Variants in TTC27 observed in about 807,000 individuals in gnomAD.
TTC27 encodes tetratricopeptide repeat protein 27.
TTC27 carries 79 observed loss-of-function variants against 115.9 expected under a neutral mutation model. The ratio of observed to expected loss-of-function variants is 0.68; its 90% CI spans 0.57 to 0.82. TTC27 has a LOEUF of 0.82. Ranked by LOEUF, TTC27 falls within the 40% of genes least tolerant of loss-of-function variation. TTC27 has a pLI of 0.00. For missense variants in TTC27, 1,054 were observed against 993.1 expected (o/e 1.06, Z -0.82); for synonymous variants, 401 against 356.0 (o/e 1.13, Z -1.42).
rs376094410 is a variant in TTC27, at chr2:32,793,522, TTTG to T, written c.1998+6388_1998+6390del. Among the ~76,000 whole-genome samples the T allele has an allele frequency of 5.3e-4, 81 of 152,092 alleles. 1 individual carries two copies. Among genetic ancestry groups the T allele is most frequent in the African/African-American group, 1.9e-3 (78 of 41,514 alleles). On this transcript the variant is annotated intron_variant, in intron 16 of 19. Coordinates refer to ENST00000317907, the MANE Select transcript of TTC27 (RefSeq NM_017735.5). The stretch of plus-strand genomic sequence containing the variant: ...AAAAGCTAATATTATTGTAACAATG[TTTG>T]TTGTTGTTGTTGTTTGAGATGGAGT...
rs115144854 is a variant in TTC27, at chr2:32,790,495, T to C, written c.1998+3346T>C. The stretch of plus-strand genomic sequence containing the variant: ...CATCTATGGAGTACCATGTGATGTT[T>C]TCATATGTGTATACAATGTGGAATG... On this transcript the variant is annotated intron_variant, in intron 16 of 19. Transcript: ENST00000317907. Among the ~76,000 whole-genome samples, 622 of 152,330 alleles carry C rather than the reference T, an allele frequency of 4.1e-3. 3 individuals are homozygous for C. The highest frequency in any genetic ancestry group is 0.013 in the African/African-American group (544 of 41,578).
intron 4 of TTC27, among the ~76,000 whole-genome samples, chr2:32,641,910 C>T (rs976449187): frequency 1.3e-5 from 2 of 152,148 alleles, no homozygotes; most frequent in Admixed American, 1.3e-4. Flanking sequence ...GGCTGGAGTG[C>T]AGTGGCGTGA....
intron 17 of TTC27, among the ~76,000 whole-genome samples, 172 bp downstream of exon 17, chr2:32,811,393 A>G (rs1572635029): frequency 6.6e-6 from 1 of 152,254 alleles, no homozygotes; most frequent in South Asian, 2.1e-4. Context: ...TGGGCTGGTT[A>G]AAACTTGTAA....
intron 12 of TTC27, among the ~76,000 whole-genome samples, chr2:32,756,674 C>T (rs113071632): frequency 2.0e-5 from 3 of 152,282 alleles, no homozygotes; most frequent in Non-Finnish European, 4.4e-5. Flanking sequence ...TACAGACTTT[C>T]GGATTGCCAA....
At position 32,666,744 on chromosome 2, in the gene TTC27, C is replaced by T. The variant is rs1407637937; in HGVS notation, c.915C>T (p.Pro305=). Residue 305 remains proline (P), a synonymous_variant, in exon 7 of 20, where the codon CCC becomes CCT. Transcript: ENST00000317907. ...CAAATTGTGAATTCACTCCAGCACC[C>T]ACTCCTCAGGAACATTTAACCAAGG... is the stretch of plus-strand genomic sequence containing the variant. ...VLSNCEFTPA[P]TPQEHLTKNL... is the part of the protein sequence containing the mutation. The T allele has an allele frequency of 1.9e-6, 3 of 1,612,962 alleles. No individual in the cohort carries two copies. Among genetic ancestry groups the T allele is most frequent in the South Asian group, 1.1e-5 (1 of 90,876 alleles).
chr2:32,722,746 T>C (rs1241742434), intron 10 of TTC27, among the ~76,000 whole-genome samples: 2 of 152,156 alleles, frequency 1.3e-5, no homozygotes, highest in African/African-American at 2.4e-5. Context: ...ATCGAGACTT[T>C]TGTGAGAAAG....
chr2:32,810,339 C>A (rs1164357504), intron 16 of TTC27, among the ~76,000 whole-genome samples: 1 of 152,112 alleles, frequency 6.6e-6, no homozygotes, highest in Non-Finnish European at 1.5e-5. Context: ...GGATTGTTTT[C>A]AACAACGTTG....
intron 18 of TTC27, among the ~76,000 whole-genome samples, chr2:32,813,482 C>G (rs1289442979): frequency 2.0e-5 from 3 of 152,180 alleles, no homozygotes. Context: ...CTTCTCTGAG[C>G]CTTACTTTCC....
At chr2:32,817,024 T>G (rs895459781) in intron 18 of TTC27, among the ~76,000 whole-genome samples, 7 of 152,138 alleles carry the variant, frequency 4.6e-5, no homozygotes, top group African/African-American at 1.7e-4. Context: ...TAGGGTCTCT[T>G]CCCAGTGATC....
chr2:32,816,140 T>G (rs1238409884), intron 18 of TTC27, among the ~76,000 whole-genome samples: 1 of 152,014 alleles, frequency 6.6e-6, no homozygotes, highest in Admixed American at 6.5e-5. Flanking sequence ...AGACCCCATC[T>G]CTACCAAAAA....
intron 7 of TTC27, among the ~76,000 whole-genome samples, chr2:32,668,140 G>A (rs550618537): frequency 1.3e-5 from 2 of 151,970 alleles, no homozygotes; most frequent in Non-Finnish European, 2.9e-5. Flanking sequence ...GCAGTGAGCC[G>A]AGATCATGCC....
At chr2:32,755,394 A>G (rs1231766599) in intron 12 of TTC27, among the ~76,000 whole-genome samples, 1 of 152,230 alleles carries the variant, frequency 6.6e-6, no homozygotes, top group African/African-American at 2.4e-5. Flanking sequence ...CAGCCCGGCC[A>G]ACACAGCGAA....
At chr2:32,684,488 C>A (rs906008524) in intron 9 of TTC27, among the ~76,000 whole-genome samples, 4 of 151,798 alleles carry the variant, frequency 2.6e-5, no homozygotes, top group Non-Finnish European at 4.4e-5. Flanking sequence ...TTGATACTGG[C>A]AGCTTGCCTT....
chr2:32,703,876 C>T lies in TTC27; in HGVS notation c.1233+956C>T, dbSNP rs80193335. Among the ~76,000 whole-genome samples the T allele has an allele frequency of 5.4e-4, 82 of 152,294 alleles. 1 individual carries two copies. The East Asian group carries it at 0.015, about 28-fold the overall frequency. On this transcript the variant is annotated intron_variant, in intron 10 of 19. Coordinates refer to ENST00000317907, the MANE Select transcript of TTC27 (RefSeq NM_017735.5). ...AGGTAATTTATAAAGTACTGAAATT[C>T]ATGTTCTCATAGTTGTAAAGGCTGG...
intron 9 of TTC27, among the ~76,000 whole-genome samples, chr2:32,682,841 A>ATTTTTTTTT (rs1559204114): frequency 1.7e-4 from 13 of 77,496 alleles, no homozygotes; most frequent in South Asian, 1.2e-3. Context: ...GATAATTTTT[A>ATTTTTTTTT]TTGTTGTTTT....
Position 32,702,791 on chromosome 2 carries a change from T to C in TTC27, c.1120-16T>C, listed in dbSNP as rs746386124. On this transcript the variant is annotated splice_polypyrimidine_tract_variant and intron_variant, in intron 9 of 19. Coordinates refer to ENST00000317907, the MANE Select transcript of TTC27 (RefSeq NM_017735.5). ...TTATCTCTTTTCTATGATTTTTTTC[T>C]TCCCGCTTCTATCAGTGTTTGCTTT... is the stretch of plus-strand genomic sequence containing the variant. 3 of 1,567,788 alleles carry C rather than the reference T, an allele frequency of 1.9e-6. No individual in the cohort carries two copies. The highest frequency in any genetic ancestry group is 1.1e-5 in the South Asian group (1 of 89,382).
chr2:32,767,586 C>T (rs577365136), intron 13 of TTC27, among the ~76,000 whole-genome samples: 15 of 151,296 alleles, frequency 9.9e-5, no homozygotes, highest in African/African-American at 1.5e-4. Context: ...CTCAGCCTCC[C>T]GAGTAGCTGG....
At chr2:32,786,721 T>G (rs1200828377) in intron 15 of TTC27, among the ~76,000 whole-genome samples, 1 of 152,154 alleles carries the variant, frequency 6.6e-6, no homozygotes, top group African/African-American at 2.4e-5. Context: ...TGATACCTAG[T>G]TTTAAAATAA....
At chr2:32,732,325 C>T (rs557879009) in intron 10 of TTC27, among the ~76,000 whole-genome samples, 70 of 152,346 alleles carry the variant, frequency 4.6e-4, no homozygotes, top group African/African-American at 1.3e-3. Context: ...GGTTATGTCT[C>T]AGTTTGCTCT....
Sources: gnomAD v4.1 joint callset for allele counts (sites outside exome capture counted in the v4.1 genomes callset) on GRCh38, gnomAD v4.1.1 for gene constraint, MANE v1.5 for transcripts, NCBI Gene and HGNC (gene_info 2026-07-23, HGNC 2026-07-21) for gene names.